WDR7: variants seen among roughly 807,000 people sequenced by gnomAD.
The protein encoded by WDR7 is WD repeat domain 7, also known as WD repeat-containing protein 7.
A neutral mutation model predicts 169.4 loss-of-function variants in WDR7; 46 were observed. The ratio of observed to expected loss-of-function variants is 0.27; its 90% CI spans 0.21 to 0.35. The LOEUF (loss-of-function observed/expected upper bound fraction) is 0.35, where lower values mean the gene tolerates loss of function less well. WDR7 is among the 10% of genes least tolerant of loss of function. WDR7 has a pLI of 1.00. For synonymous variants in WDR7, 612 were observed against 666.8 expected, an observed-to-expected ratio of 0.92 and a Z score of 1.27; for missense variants, 1,534 against 1,859.3, an observed-to-expected ratio of 0.83 and a Z score of 3.22.
intron 22 of WDR7, among the ~76,000 whole-genome samples, chr18:56,932,823 A>G (rs747133953): frequency 6.6e-6 from 1 of 151,864 alleles, no homozygotes; most frequent in East Asian, 1.9e-4. Flanking sequence ...AGATCTGTCA[A>G]CTGACCACTC....
At chr18:56,988,868 A>G (rs2047768604) in intron 26 of WDR7, among the ~76,000 whole-genome samples, 1 of 152,094 alleles carries the variant, frequency 6.6e-6, no homozygotes, top group Non-Finnish European at 1.5e-5. Flanking sequence ...GATGGAGAAA[A>G]ATGTTAGTTT....
At chr18:56,771,067 G>A (rs2044147782) in intron 16 of WDR7, among the ~76,000 whole-genome samples, 1 of 152,118 alleles carries the variant, frequency 6.6e-6, no homozygotes, top group African/African-American at 2.4e-5. Context: ...AAACAATTAT[G>A]TCCATATTGC....
intron 16 of WDR7, among the ~76,000 whole-genome samples, chr18:56,760,811 C>T (rs77563214): frequency 8.5e-4 from 130 of 152,186 alleles, no homozygotes; most frequent in African/African-American, 3.1e-3. Flanking sequence ...AAATATTAAG[C>T]GTTGACTAGG....
At chr18:56,960,246 G>A (rs2047321004) in intron 25 of WDR7, among the ~76,000 whole-genome samples, 1 of 152,124 alleles carries the variant, frequency 6.6e-6, no homozygotes. Flanking sequence ...GGTGTTTGTA[G>A]ATGATACAGA....
At chr18:56,848,984 A>G (rs1411729443) in intron 20 of WDR7, among the ~76,000 whole-genome samples, 1 of 152,200 alleles carries the variant, frequency 6.6e-6, no homozygotes, top group Non-Finnish European at 1.5e-5. Flanking sequence ...CACTTACTAA[A>G]TAATTAAATG....
Position 56,758,966 on chromosome 18 carries a change from CTTA to C in WDR7, c.2848+17_2848+19del. ...CAGATTAAACAAGGTAAAATTAAAT[CTTA>C]TTAAGTAATTGACATGACATTTCAG... On this transcript the variant is annotated intron_variant, in intron 16 of 27. Transcript: ENST00000254442. 6.3e-7 allele frequency: 1 copy of C among 1,596,058 alleles called. No homozygotes were observed.
At chr18:56,979,814 C>A (rs1257537397) in intron 26 of WDR7, among the ~76,000 whole-genome samples, 1 of 152,190 alleles carries the variant, frequency 6.6e-6, no homozygotes, top group Admixed American at 6.5e-5. Context: ...TAGAAGAACA[C>A]TTTTAGCTGC....
At chr18:56,891,572 A>G (rs1334088474) in intron 21 of WDR7, among the ~76,000 whole-genome samples, 1 of 152,092 alleles carries the variant, frequency 6.6e-6, no homozygotes, top group African/African-American at 2.4e-5. Flanking sequence ...AATCTTCGTA[A>G]GAACCCTGTG....
chr18:56,730,533 G>A (rs1002881611), intron 13 of WDR7, among the ~76,000 whole-genome samples: 6 of 152,140 alleles, frequency 3.9e-5, no homozygotes, highest in Admixed American at 2.0e-4. Context: ...TTGGGAGGCC[G>A]AGGCGGGCGG....
At chr18:56,776,529 A>G (rs1419013960) in intron 16 of WDR7, among the ~76,000 whole-genome samples, 1 of 152,174 alleles carries the variant, frequency 6.6e-6, no homozygotes, top group African/African-American at 2.4e-5. Context: ...GCATTAGTCA[A>G]TACATTCATC....
chr18:56,916,165 C>T (rs1413619867), intron 21 of WDR7, among the ~76,000 whole-genome samples: 9 of 152,132 alleles, frequency 5.9e-5, no homozygotes, highest in Non-Finnish European at 1.0e-4. Context: ...ATGTGCACAA[C>T]GTGCAGTTTT....
chr18:56,680,401 A>T (rs1346759230), intron 3 of WDR7, among the ~76,000 whole-genome samples: 1 of 152,184 alleles, frequency 6.6e-6, no homozygotes, highest in Non-Finnish European at 1.5e-5. Context: ...CACTGAAGAG[A>T]ACCTTGTATA....
intron 26 of WDR7, among the ~76,000 whole-genome samples, chr18:56,969,694 T>G (rs1225792234): frequency 6.6e-6 from 1 of 152,214 alleles, no homozygotes; most frequent in African/African-American, 2.4e-5. Flanking sequence ...CATTAATGCT[T>G]CTATTGAAAT....
intron 5 of WDR7, 93 bp downstream of exon 5, chr18:56,682,946 G>T: frequency 7.6e-7 from 1 of 1,316,856 alleles, no homozygotes; most frequent in Non-Finnish European, 1.0e-6. Context: ...TTAATACTTT[G>T]GGATATATTC....
intron 19 of WDR7, among the ~76,000 whole-genome samples, chr18:56,791,176 T>G (rs776750847): frequency 6.6e-6 from 1 of 152,072 alleles, no homozygotes; most frequent in Non-Finnish European, 1.5e-5. Flanking sequence ...ATGAAAAGAG[T>G]TTACATTTTA....
intron 20 of WDR7, among the ~76,000 whole-genome samples, chr18:56,818,286 A>G (rs2045020105): frequency 6.6e-6 from 1 of 152,230 alleles, no homozygotes; most frequent in African/African-American, 2.4e-5. Context: ...TTAAATCAGT[A>G]CATTGAAATT....
chr18:56,807,377 TTG>T (rs1482734297), intron 19 of WDR7, among the ~76,000 whole-genome samples: 5 of 152,200 alleles, frequency 3.3e-5, no homozygotes, highest in Non-Finnish European at 5.9e-5. Context: ...TTTGGTTTTT[TTG>T]TGTCTTTTGA....
chr18:56,752,864 GC>G (rs1963165511), intron 14 of WDR7, among the ~76,000 whole-genome samples: 1 of 152,134 alleles, frequency 6.6e-6, no homozygotes, highest in South Asian at 2.1e-4. Context: ...GACTTGAGTG[GC>G]AGAAGAGAGA....
At chr18:56,922,747 T>G (rs2046744653) in intron 21 of WDR7, among the ~76,000 whole-genome samples, 1 of 152,202 alleles carries the variant, frequency 6.6e-6, no homozygotes, top group South Asian at 2.1e-4. Context: ...TTTCAGTGTA[T>G]CCACTGACTC....
Sources: allele counts gnomAD v4.1 joint callset (sites outside exome capture counted in the v4.1 genomes callset), GRCh38; gene constraint gnomAD v4.1.1; transcripts MANE v1.5; gene names NCBI Gene and HGNC (gene_info 2026-07-23, HGNC 2026-07-21).